TMEM132D: variants seen among roughly 807,000 people sequenced by gnomAD.
The protein encoded by TMEM132D is mature OL transmembrane protein.
Under a neutral mutation model 62.3 loss-of-function variants are expected in TMEM132D, and 21 were observed. The observed-to-expected ratio is 0.34, with a 90% CI of 0.24 to 0.49. The LOEUF is 0.49. TMEM132D is among the 20% of genes least tolerant of loss of function. The pLI is 0.99. For synonymous variants in TMEM132D, 621 were observed against 575.6 expected (o/e 1.08, Z -1.13); for missense variants, 1,346 against 1,402.8 (o/e 0.96, Z 0.65).
chr12:129,599,744 C>G (rs905513719), intron 2 of TMEM132D, among the ~76,000 whole-genome samples: 3 of 152,182 alleles, frequency 2.0e-5, no homozygotes, highest in Non-Finnish European at 4.4e-5. Flanking sequence ...AGTGCATATA[C>G]AAGTTACATT....
chr12:129,154,477 T>A (rs1877173008), intron 5 of TMEM132D, among the ~76,000 whole-genome samples: 1 of 152,226 alleles, frequency 6.6e-6, no homozygotes, highest in African/African-American at 2.4e-5. Context: ...AAAAATCCCC[T>A]GCTTTCGGGG....
chr12:129,129,466 ATGT>A (rs780266205), intron 5 of TMEM132D, among the ~76,000 whole-genome samples: 30 of 152,260 alleles, frequency 2.0e-4, no homozygotes, highest in Middle Eastern at 3.4e-3. Context: ...TGCATATGTC[ATGT>A]TGGTGGAATG....
chr12:129,167,550 G>A (rs576017802), intron 5 of TMEM132D, among the ~76,000 whole-genome samples: 6 of 152,144 alleles, frequency 3.9e-5, no homozygotes, highest in East Asian at 3.9e-4. Flanking sequence ...GGAGCCACTG[G>A]TCCTGGCATG....
chr12:129,621,025 C>G (rs561145586), intron 2 of TMEM132D, among the ~76,000 whole-genome samples: 111 of 152,260 alleles, frequency 7.3e-4, no homozygotes, highest in African/African-American at 2.5e-3. Flanking sequence ...CACATCATGC[C>G]CAGATCCAAG....
rs59596228 is a variant in TMEM132D at position 129,533,224 on chromosome 12, T to C, written c.969-2019A>G. ...ATAATCATTATGCATGCAAACACTTTGAATGCAGTCGTTTAAAAACTGGGA... is the reference window on the plus strand; with the variant it reads ...ATAATCATTATGCATGCAAACACTTCGAATGCAGTCGTTTAAAAACTGGGA... On this transcript the variant is annotated intron_variant, in intron 2 of 8. Transcript: ENST00000422113. Among the ~76,000 whole-genome samples the C allele has an allele frequency of 4.4e-3, 663 of 152,304 alleles. 5 individuals are homozygous for C. Among genetic ancestry groups the C allele is most frequent in the African/African-American group, 0.015 (606 of 41,556 alleles).
chr12:129,462,610 T>C (rs960232712), intron 3 of TMEM132D, among the ~76,000 whole-genome samples: 1 of 152,176 alleles, frequency 6.6e-6, no homozygotes, highest in Admixed American at 6.6e-5. Flanking sequence ...CTGACTATTG[T>C]GGGGGGAGAA....
chr12:129,245,641 T>C (rs1482295), intron 4 of TMEM132D, among the ~76,000 whole-genome samples: 34,686 of 151,884 alleles, frequency 0.23, 4,110 homozygotes, highest in Non-Finnish European at 0.26. Context: ...ATTTTTCCTA[T>C]ATTTATGGGT....
intron 5 of TMEM132D, among the ~76,000 whole-genome samples, chr12:129,197,683 C>T (rs573805424): frequency 6.6e-6 from 1 of 152,194 alleles, no homozygotes; most frequent in African/African-American, 2.4e-5. Flanking sequence ...AACTGCAAAA[C>T]TACTAGAAGA....
chr12:129,122,851 C>T (rs1876106163), intron 5 of TMEM132D, among the ~76,000 whole-genome samples: 1 of 152,120 alleles, frequency 6.6e-6, no homozygotes, highest in African/African-American at 2.4e-5. Context: ...TAACATAAAA[C>T]TCATAACACA....
chr12:129,802,031 G>A (rs1030767017), intron 1 of TMEM132D, among the ~76,000 whole-genome samples: 1 of 148,368 alleles, frequency 6.7e-6, no homozygotes, highest in Non-Finnish European at 1.5e-5. Context: ...AGAAATATGG[G>A]ACTATGTGAA....
At chr12:129,169,225 A>C (rs571791519) in intron 5 of TMEM132D, among the ~76,000 whole-genome samples, 1 of 152,118 alleles carries the variant, frequency 6.6e-6, no homozygotes, top group East Asian at 1.9e-4. Flanking sequence ...ATGCTGATGC[A>C]GCTGGTCTGG....
intron 2 of TMEM132D, among the ~76,000 whole-genome samples, chr12:129,558,114 C>T (rs11060434): frequency 0.13 from 19,670 of 152,114 alleles, 1,677 homozygotes; most frequent in East Asian, 0.46. Flanking sequence ...AGATGTATCA[C>T]TTGCTCAAAT....
At chr12:129,757,865 C>T (rs937304518) in intron 1 of TMEM132D, among the ~76,000 whole-genome samples, 2 of 152,012 alleles carry the variant, frequency 1.3e-5, no homozygotes, top group African/African-American at 4.8e-5. Context: ...TCAGCTCTAC[C>T]CTCTCTATGT....
chr12:129,140,214 C>CACA (rs139838637), intron 5 of TMEM132D, among the ~76,000 whole-genome samples: 1 of 148,552 alleles, frequency 6.7e-6, no homozygotes, highest in African/African-American at 2.5e-5. Context: ...GGCGCTGTTA[C>CACA]CACACACACA....
chr12:129,863,904 C>A (rs756797088), intron 1 of TMEM132D, among the ~76,000 whole-genome samples: 6 of 152,128 alleles, frequency 3.9e-5, no homozygotes, highest in Non-Finnish European at 5.9e-5. Context: ...CCTCTAACAG[C>A]AATGATAAGT....
At chr12:129,337,575 G>T in intron 4 of TMEM132D, 59 bp downstream of exon 4, 2 of 1,600,640 alleles carry the variant, frequency 1.2e-6, no homozygotes, top group Non-Finnish European at 8.5e-7. Context: ...TCAGTGCGGC[G>T]CCGGCGCCTT....
intron 3 of TMEM132D, among the ~76,000 whole-genome samples, chr12:129,418,282 T>C (rs551744249): frequency 2.0e-5 from 3 of 152,288 alleles, no homozygotes; most frequent in Non-Finnish European, 2.9e-5. Flanking sequence ...TGCAGCACCA[T>C]TTACAATAGC....
In TMEM132D at chr12:129,601,472, T is replaced by A. The variant is rs553660684; in HGVS notation, c.969-70267A>T. Among the ~76,000 whole-genome samples, 99 of 152,332 alleles carry A rather than the reference T, an allele frequency of 6.5e-4. 2 individuals are homozygous for A. The highest frequency in any genetic ancestry group is 2.9e-5 in the Non-Finnish European group (2 of 68,026). ...TCTCCACGTTCGAAACATAACCATA[T>A]GATACAAAAGACCTAGCTTTCAGCC... On this transcript the variant is annotated intron_variant, in intron 2 of 8. Coordinates refer to ENST00000422113, the MANE Select transcript of TMEM132D (RefSeq NM_133448.3).
intron 3 of TMEM132D, among the ~76,000 whole-genome samples, chr12:129,415,972 T>C (rs746832932): frequency 6.6e-6 from 1 of 152,202 alleles, no homozygotes; most frequent in African/African-American, 2.4e-5. Flanking sequence ...TTCTTCCCCC[T>C]TCTGTACTGA....
Sources: allele counts gnomAD v4.1 joint callset (sites outside exome capture counted in the v4.1 genomes callset), GRCh38; gene constraint gnomAD v4.1.1; transcripts MANE v1.5; gene names NCBI Gene and HGNC (gene_info 2026-07-23, HGNC 2026-07-21).